Variants in P2RX6 observed in about 807,000 individuals in gnomAD.
The protein encoded by P2RX6 is purinergic receptor P2X 6.
P2RX6 carries 62 observed loss-of-function variants against 54.2 expected under a neutral mutation model. The observed-to-expected ratio is 1.14, with a 90% CI of 0.93 to 1.41. P2RX6 has a LOEUF of 1.41. Among genes scored for constraint, P2RX6 ranks in the 40% most tolerant of loss-of-function variants. The pLI is 0.00. For synonymous variants in P2RX6, 211 were observed against 231.9 expected, an observed-to-expected ratio of 0.91 and a Z score of 0.82; for missense variants, 541 against 566.3, an observed-to-expected ratio of 0.96 and a Z score of 0.45.
Position 21,026,456 on chromosome 22 carries a change from A to T in P2RX6, c.1165A>T (p.Arg389Trp). The T allele has an allele frequency of 6.2e-7, 1 of 1,604,012 alleles. No individual in the cohort carries two copies. Among genetic ancestry groups the T allele is most frequent in the South Asian group, 1.1e-5 (1 of 88,722 alleles). ...APKATANSVW[R>W]ELALASQARL... ...GAAAGCAACCGCCAACTCTGTGTGG[A>T]GGGAGCTGGCCCTTGCATCCCAAGC... Residue 389 changes from arginine to tryptophan, a missense_variant, in exon 12 of 12, where the codon AGG becomes TGG. Coordinates refer to ENST00000413302, the MANE Select transcript of P2RX6 (RefSeq NM_005446.5). The surrounding 1 kb of genome is among the most constrained non-coding windows in gnomAD (Gnocchi z 4.0).
rs963513265 is a variant in P2RX6, at chr22:21,027,546, C to T, written c.*929C>T. On this transcript the variant is annotated 3_prime_UTR_variant, in exon 12 of 12. Transcript: ENST00000413302. Reference sequence around the variant, plus strand: ...CAGCTGCTCGAGGGAGGCCCTGGCTCTGATCCCAGGCTGGATGGAGTGGCT... The same window carrying T: ...CAGCTGCTCGAGGGAGGCCCTGGCTTTGATCCCAGGCTGGATGGAGTGGCT... 2.0e-5 allele frequency: 3 copies of T among 152,336 alleles called. No homozygotes were observed. The highest frequency in any genetic ancestry group is 4.4e-5 in the Non-Finnish European group (3 of 68,212). The allele number at this position is 152,336 out of a possible 1,614,324, so 9.4% of individuals were successfully genotyped here.
chr22:21,016,448 G>T (rs1249384405), intron 2 of P2RX6, among the ~76,000 whole-genome samples: 1 of 152,102 alleles, frequency 6.6e-6, no homozygotes, highest in Admixed American at 6.5e-5. Flanking sequence ...AATTAGCCGG[G>T]CATGGTGGTG....
chr22:21,012,445 GC>G, upstream of P2RX6: 1 of 430,550 alleles, frequency 2.3e-6, no homozygotes. Context: ...AGGTGACATG[GC>G]CCAGCTTTCA....
intron 9 of P2RX6, 22 bp from the exon 10 acceptor site, chr22:21,025,989 G>C: frequency 3.1e-6 from 5 of 1,604,260 alleles, no homozygotes; most frequent in Non-Finnish European, 4.3e-6. Flanking sequence ...GGGCTGAGAG[G>C]TTCAGCTCAG....
intron 3 of P2RX6, among the ~76,000 whole-genome samples, chr22:21,021,332 G>T (rs556191146): frequency 3.3e-5 from 5 of 152,198 alleles, no homozygotes; most frequent in Non-Finnish European, 7.4e-5. Flanking sequence ...TCAGAGGCAG[G>T]GTGCTCAGTT....
chr22:21,021,978 C>T (rs1927480168), intron 3 of P2RX6, among the ~76,000 whole-genome samples: 2 of 152,164 alleles, frequency 1.3e-5, no homozygotes, highest in Non-Finnish European at 2.9e-5. Context: ...CTCACCCTCC[C>T]AAGGTATCTT....
At position 21,026,891 on chromosome 22, in the gene P2RX6, G is replaced by T. The variant is rs912789100; in HGVS notation, c.*274G>T. The T allele has an allele frequency of 5.4e-6, 3 of 557,250 alleles. No homozygotes were observed. The highest frequency in any genetic ancestry group is 6.2e-6 in the Non-Finnish European group (2 of 324,628). The allele number at this position is 557,250 out of a possible 1,614,324, so 34.5% of individuals were successfully genotyped here. The stretch of plus-strand genomic sequence containing the variant: ...CAGGGCTCCGACTGCATGTGGCAGG[G>T]GCTCCTGCTGCGTCTGGGCCTGGAG... On this transcript the variant is annotated 3_prime_UTR_variant, in exon 12 of 12. Coordinates refer to ENST00000413302, the MANE Select transcript of P2RX6 (RefSeq NM_005446.5). This position sits in a 1 kb window ranked among gnomAD's most constrained non-coding sequence, Gnocchi z 4.0.
intron 8 of P2RX6, 92 bp downstream of exon 8, chr22:21,023,710 T>G (rs878900841): frequency 2.3e-6 from 2 of 887,120 alleles, no homozygotes. Context: ...CCCAGGCCTC[T>G]AGATATTCCA....
intron 2 of P2RX6, among the ~76,000 whole-genome samples, chr22:21,016,534 A>G (rs549420772): frequency 1.7e-3 from 253 of 148,204 alleles, no homozygotes; most frequent in Non-Finnish European, 2.8e-3. Context: ...GCTTGCAGTG[A>G]GCCGAGATTG....
chr22:21,022,158 A>G (rs1927511765), intron 3 of P2RX6, among the ~76,000 whole-genome samples: 1 of 152,112 alleles, frequency 6.6e-6, no homozygotes, highest in Non-Finnish European at 1.5e-5. Flanking sequence ...GCTTGAGGCC[A>G]GGAGTTAAAA....
rs770302576 is a variant in P2RX6, at chr22:21,023,422, T to TC, written c.780+9dup. 1 of 1,613,878 alleles carries TC rather than the reference T, an allele frequency of 6.2e-7. No homozygotes were observed. The highest frequency in any genetic ancestry group is 1.7e-5 in the Admixed American group (1 of 60,004). Reference sequence around the variant, plus strand: ...TCGAGGACCTGGCGTTGCTGGTGGGTCCCAAGTTGGGGGCAGGGTTCCTAG... The same window carrying TC: ...TCGAGGACCTGGCGTTGCTGGTGGGTCCCCAAGTTGGGGGCAGGGTTCCTAG... On this transcript the variant is annotated splice_region_variant and intron_variant, in intron 7 of 11. Transcript: ENST00000413302.
upstream of P2RX6, among the ~76,000 whole-genome samples, chr22:21,012,091 C>T (rs938235911): frequency 2.0e-5 from 3 of 152,078 alleles, no homozygotes; most frequent in Non-Finnish European, 4.4e-5. Flanking sequence ...GGAAACTGAG[C>T]TGCTTTCATA....
chr22:21,024,426 C>T (rs931097951), intron 8 of P2RX6, among the ~76,000 whole-genome samples: 9 of 152,018 alleles, frequency 5.9e-5, no homozygotes, highest in East Asian at 1.9e-4. Flanking sequence ...TACGGGTGCA[C>T]GCCTCCACGC....
chr22:21,011,488 T>A (rs576778414), upstream of P2RX6: 618 of 711,994 alleles, frequency 8.7e-4, 2 homozygotes, highest in Non-Finnish European at 1.2e-3. Context: ...CTCCAGGCCA[T>A]TCCCTGACAG....
chr22:21,019,545 C>T (rs1201572609), intron 3 of P2RX6, among the ~76,000 whole-genome samples: 1 of 152,212 alleles, frequency 6.6e-6, no homozygotes, highest in Admixed American at 6.5e-5. Context: ...AACTCCTGGC[C>T]TCAGGTGACC....
At position 21,023,501 on chromosome 22, in the gene P2RX6, A is replaced by G; in HGVS notation, c.781-8A>G. On this transcript the variant is annotated splice_polypyrimidine_tract_variant and splice_region_variant and intron_variant, in intron 7 of 11. Coordinates refer to ENST00000413302, the MANE Select transcript of P2RX6 (RefSeq NM_005446.5). ...CCCACCGGTGGAAAAGCTATGTGCT[A>G]TGTGCAGGGTGGCTCTGTAGGCATC... 45 of 1,613,684 alleles carry G rather than the reference A, an allele frequency of 2.8e-5. No homozygotes were observed. Among genetic ancestry groups the G allele is most frequent in the Non-Finnish European group, 3.8e-5 (45 of 1,179,672 alleles).
chr22:21,014,898 TCCACCCTC>T (rs897313986), upstream of P2RX6: 15 of 376,286 alleles, frequency 4.0e-5, no homozygotes, highest in Non-Finnish European at 7.1e-5. Context: ...GCTGTCCGTC[TCCACCCTC>T]CCACCACCTC....
upstream of P2RX6, chr22:21,011,445 C>G (rs1925731104): frequency 2.9e-6 from 2 of 699,772 alleles, no homozygotes; most frequent in Admixed American, 2.0e-5. Context: ...TGTGGGCCAG[C>G]AGGAGTTCGG....
At chr22:21,021,951 A>T (rs1927474760) in intron 3 of P2RX6, among the ~76,000 whole-genome samples, 1 of 152,128 alleles carries the variant, frequency 6.6e-6, no homozygotes, top group South Asian at 2.1e-4. Flanking sequence ...CTATGTCCCC[A>T]TGCCGGGCAT....
Sources: allele counts gnomAD v4.1 joint callset (sites outside exome capture counted in the v4.1 genomes callset), GRCh38; gene constraint gnomAD v4.1.1; non-coding constraint Gnocchi (gnomAD v3.1); transcripts MANE v1.5; gene names NCBI Gene and HGNC (gene_info 2026-07-23, HGNC 2026-07-21).